Variants in LTK observed in about 807,000 individuals in gnomAD.
The protein encoded by LTK is leukocyte tyrosine kinase receptor.
A neutral mutation model predicts 101.5 loss-of-function variants in LTK; 117 were observed. The observed-to-expected ratio is 1.15, with a 90% CI of 0.99 to 1.34. The LOEUF is 1.34. LTK is among the 40% of genes most tolerant of loss of function. LTK has a pLI of 0.00. For synonymous variants in LTK, 563 were observed against 494.2 expected (o/e 1.14, Z -1.85); for missense variants, 1,252 against 1,164.7 (o/e 1.07, Z -1.09).
rs1273213918 is a variant in LTK, at chr15:41,504,223, G to A, written c.2368C>T (p.Leu790Phe). 1.9e-6 allele frequency: 3 copies of A among 1,610,350 alleles called. No homozygotes were observed. Among genetic ancestry groups the A allele is most frequent in the South Asian group, 1.1e-5 (1 of 90,914 alleles). Residue 790 changes from leucine to phenylalanine, a missense_variant, in exon 20 of 20, where the codon CTC (leucine) becomes TTC (phenylalanine). By Grantham distance (22) the Leu-to-Phe change is conservative. Transcript: ENST00000263800. ...CTQDPDVLNS[L>F]LPMELGPTPE... ...GTGGGCCCCAGCTCCATTGGCAGGA[G>A]TGAATTCAGCACATCCGGGTCCTGT...
At chr15:41,509,895 A>T (rs1741834997) in intron 7 of LTK, among the ~76,000 whole-genome samples, 1 of 152,124 alleles carries the variant, frequency 6.6e-6, no homozygotes. Context: ...ATACAGCATG[A>T]TGTTTTGAAA....
chr15:41,511,391 GC>G lies in LTK; in HGVS notation c.814+30del. ...AGGTTGGCAGCCACACGGGGAGCAC[GC>G]CCGCCTCTCCCCGCGGCCCGCGCCC... is the stretch of plus-strand genomic sequence containing the variant. On this transcript the variant is annotated intron_variant, in intron 6 of 19. Transcript: ENST00000263800. The surrounding 1 kb of genome is among the most constrained non-coding windows in gnomAD (Gnocchi z 5.9). 1 of 1,369,378 alleles carries G rather than the reference GC, an allele frequency of 7.3e-7. No homozygotes were observed. Among genetic ancestry groups the G allele is most frequent in the Non-Finnish European group, 9.3e-7 (1 of 1,070,434 alleles). The allele number at this position is 1,369,378 out of a possible 1,614,324, so 84.8% of individuals were successfully genotyped here.
chr15:41,511,987 C>T lies in LTK; in HGVS notation c.511-24G>A, dbSNP rs200458739. The T allele has an allele frequency of 5.9e-5, 85 of 1,443,156 alleles. No individual in the cohort carries two copies. The African/African-American group carries it at 1.1e-3, about 18-fold the overall frequency. The allele number at this position is 1,443,156 out of a possible 1,614,324, so 89.4% of individuals were successfully genotyped here. A position where few individuals can be genotyped will look rare whatever the true frequency, so the allele number is the denominator to read the frequency against. ...CCCTGCGGGCAGCGGGGGAGGGAAT[C>T]GGCGGGGCCCGGGAGCCTCCCCTCG... On this transcript the variant is annotated intron_variant, in intron 4 of 19. Coordinates refer to ENST00000263800, the MANE Select transcript of LTK (RefSeq NM_002344.6). This position sits in a 1 kb window ranked among gnomAD's most constrained non-coding sequence, Gnocchi z 5.9.
rs1265942197 is a variant in LTK, at chr15:41,512,130, C to G, written c.495G>C (p.Glu165Asp). 10 of 1,610,112 alleles carry G rather than the reference C, an allele frequency of 6.2e-6. No individual in the cohort carries two copies. The highest frequency in any genetic ancestry group is 8.5e-6 in the Non-Finnish European group (10 of 1,178,350). Reference protein sequence around the residue: ...SLYILVGQQGEDACPGGSPES... With the variant: ...SLYILVGQQGDDACPGGSPES... ...CTGCGCTCACTCCGGGACAGGCGTCCTCTCCCTGCTGCCCCACCAGGATGT... is the reference window on the plus strand; with the variant it reads ...CTGCGCTCACTCCGGGACAGGCGTCGTCTCCCTGCTGCCCCACCAGGATGT... The change falls in exon 4 of 20, where the codon GAG becomes GAC. Residue 165 changes from glutamate (E) to aspartate (D), a missense_variant. Physicochemically the swap from Glu to Asp is conservative, Grantham distance 45 (BLOSUM62 2). Coordinates refer to ENST00000263800, the MANE Select transcript of LTK (RefSeq NM_002344.6).
chr15:41,505,027 C>G lies in LTK; in HGVS notation c.1963G>C (p.Gly655Arg), dbSNP rs2051216155. ...AARNCLLSCAGPSRVAKIGDF... is the reference protein window; with the variant it reads ...AARNCLLSCARPSRVAKIGDF... ...CCAATCTTGGCCACTCGGCTGGGTC[C>G]AGCGCAGCTCAGCAGGCAGTTCCGG... is the stretch of plus-strand genomic sequence containing the variant. Residue 655 changes from glycine to arginine, a missense_variant, in exon 16 of 20, where the codon GGA becomes CGA. Gly to Arg is a moderately radical substitution (Grantham distance 125). Transcript: ENST00000263800. 6.2e-7 allele frequency: 1 copy of G among 1,613,590 alleles called. No homozygotes were observed. The highest frequency in any genetic ancestry group is 8.5e-7 in the Non-Finnish European group (1 of 1,179,704).
chr15:41,507,068 G>A (rs1043276189), intron 11 of LTK, 27 bp downstream of exon 11: 9 of 1,596,310 alleles, frequency 5.6e-6, no homozygotes, highest in Non-Finnish European at 7.7e-6. Flanking sequence ...GAGTGCATAG[G>A]TTCTCAGAAG....
chr15:41,512,954 G>C, intron 2 of LTK, 23 bp downstream of exon 2: 1 of 1,613,336 alleles, frequency 6.2e-7, no homozygotes. Context: ...GAGCGAAAGA[G>C]GAAGGAGGCG....
Position 41,512,692 on chromosome 15 carries a change from C to G in LTK, c.359+15G>C, listed in dbSNP as rs1277806690. The stretch of plus-strand genomic sequence containing the variant: ...TAGCAGGTCACTGTCCACCCTACCT[C>G]CGCCGTGCACTTACAGATACTGGCC... On this transcript the variant is annotated intron_variant, in intron 3 of 19. Coordinates refer to ENST00000263800, the MANE Select transcript of LTK (RefSeq NM_002344.6). 6.5e-7 allele frequency: 1 copy of G among 1,548,680 alleles called. No individual in the cohort carries two copies. Among genetic ancestry groups the G allele is most frequent in the East Asian group, 2.3e-5 (1 of 43,936 alleles).
intron 11 of LTK, 144 bp from the exon 12 acceptor site, chr15:41,506,149 A>C: frequency 3.3e-6 from 2 of 598,788 alleles, no homozygotes; most frequent in South Asian, 2.0e-5. Context: ...GCATGTCCCC[A>C]GGTAGAAGCC....
At position 41,511,693 on chromosome 15, in the gene LTK, C is replaced by A; in HGVS notation, c.658-115G>T. 1.4e-6 allele frequency: 2 copies of A among 1,397,086 alleles called. No individual in the cohort carries two copies. The highest frequency in any genetic ancestry group is 1.9e-6 in the Non-Finnish European group (2 of 1,076,394). 86.5% of individuals were successfully genotyped at this position (1,397,086 alleles called of 1,614,324 possible). A position where few individuals can be genotyped will look rare whatever the true frequency, so the allele number is the denominator to read the frequency against. On this transcript the variant is annotated intron_variant, in intron 5 of 19. Transcript: ENST00000263800. This position sits in a 1 kb window ranked among gnomAD's most constrained non-coding sequence, Gnocchi z 5.9. ...ATAAGGGCAGGGGCCCCCAGCCCAG[C>A]CCAGGCCAGCCCAGCCCAGCGCAGG...
chr15:41,503,807 C>G lies in LTK; in HGVS notation c.*189G>C. 1 of 697,232 alleles carries G rather than the reference C, an allele frequency of 1.4e-6. No homozygotes were observed. The highest frequency in any genetic ancestry group is 2.4e-6 in the Non-Finnish European group (1 of 423,278). The allele number at this position is 697,232 out of a possible 1,614,324, so 43.2% of individuals were successfully genotyped here. On this transcript the variant is annotated 3_prime_UTR_variant, in exon 20 of 20. Transcript: ENST00000263800. The stretch of plus-strand genomic sequence containing the variant: ...AAGCTGGAAGTGGCTGGGCCCTTCC[C>G]TGGGAGGCCTGGGCTGGTTTCCAGC...
At chr15:41,506,142 T>C (rs2051274686) in intron 11 of LTK, 137 bp from the exon 12 acceptor site, 1 of 605,658 alleles carries the variant, frequency 1.7e-6, no homozygotes, top group Non-Finnish European at 3.0e-6. Flanking sequence ...TACCATGGCA[T>C]GTCCCCAGGT....
Position 41,511,943 on chromosome 15 carries a change from G to A in LTK, c.531C>T (p.Leu177=), listed in dbSNP as rs775869248. ...ACPGGSPESQ[L]VCLGESRAVE... ...CGGCTCGAGACTCCCCGAGGCAGAC[G>A]AGCTGGCTCTCCGGGCTACCCTGCG... Residue 177 remains leucine, a synonymous_variant, in exon 5 of 20, where the codon CTC becomes CTT. Transcript: ENST00000263800. The surrounding 1 kb of genome is among the most constrained non-coding windows in gnomAD (Gnocchi z 5.9). 3.4e-6 allele frequency: 5 copies of A among 1,491,472 alleles called. No homozygotes were observed. The highest frequency in any genetic ancestry group is 2.7e-5 in the South Asian group (2 of 74,860). The allele number at this position is 1,491,472 out of a possible 1,614,324, so 92.4% of individuals were successfully genotyped here.
chr15:41,508,098 T>G lies in LTK; in HGVS notation c.1220A>C (p.Glu407Ala). The change falls in exon 9 of 20, where the codon GAG (glutamate) becomes GCG (alanine). Residue 407 changes from glutamate (E) to alanine (A), a missense_variant. Physicochemically the swap from Glu to Ala is moderately radical, Grantham distance 107. Transcript: ENST00000263800. ...LAECLCPEGM[E>A]LAVDNVTCMD... is the part of the protein sequence containing the mutation. ...GCAGGTGACGTTATCCACAGCTAGCTCCATGCCTTCTGGGCACAGGCATTC... is the reference window on the plus strand; with the variant it reads ...GCAGGTGACGTTATCCACAGCTAGCGCCATGCCTTCTGGGCACAGGCATTC... 1 of 1,612,250 alleles carries G rather than the reference T, an allele frequency of 6.2e-7. No individual in the cohort carries two copies. Among genetic ancestry groups the G allele is most frequent in the Non-Finnish European group, 8.5e-7 (1 of 1,179,274 alleles).
Position 41,513,663 on chromosome 15 carries a change from T to C in LTK, c.43+4A>G. 2 of 1,613,210 alleles carry C rather than the reference T, an allele frequency of 1.2e-6. No individual in the cohort carries two copies. The highest frequency in any genetic ancestry group is 2.2e-5 in the East Asian group (1 of 44,846). On this transcript the variant is annotated splice_donor_region_variant and intron_variant, in intron 1 of 19. Coordinates refer to ENST00000263800, the MANE Select transcript of LTK (RefSeq NM_002344.6). ...CGGTCCCCTGACCGCCAGATAGCAC[T>C]TACCCGCGGCTCCGAACCACACCAG... is the stretch of plus-strand genomic sequence containing the variant.
rs752576890 is a variant in LTK, at chr15:41,508,046, C to A, written c.1249+23G>T. 5.1e-6 allele frequency: 8 copies of A among 1,570,800 alleles called. 1 individual carries two copies. In the South Asian group the frequency reaches 9.4e-5, roughly 18 times the overall value. ...CAGTCTGTGACCCCAGGAGTCCAGA[C>A]CTTGGGCAAAGGTAGGACATACCCA... On this transcript the variant is annotated intron_variant, in intron 9 of 19. Coordinates refer to ENST00000263800, the MANE Select transcript of LTK (RefSeq NM_002344.6).
At chr15:41,506,268 G>A (rs771019672) in intron 11 of LTK, among the ~76,000 whole-genome samples, 15 of 152,224 alleles carry the variant, frequency 9.9e-5, no homozygotes, top group Non-Finnish European at 1.6e-4. Flanking sequence ...CCCTGCAGAC[G>A]CCCTGGGCGG....
chr15:41,505,851 CATT>C (rs940872928), intron 12 of LTK, 61 bp downstream of exon 12: 2 of 1,600,332 alleles, frequency 1.2e-6, no homozygotes, highest in African/African-American at 2.7e-5. Flanking sequence ...TAGCTCTAGT[CATT>C]GTCCTTCCCT....
rs765609474 is a variant in LTK, at chr15:41,511,442, C to G, written c.794G>C (p.Gly265Ala). 7 of 1,407,094 alleles carry G rather than the reference C, an allele frequency of 5.0e-6. No individual in the cohort carries two copies. In the African/African-American group the frequency reaches 1.1e-4, roughly 21 times the overall value. The allele number at this position is 1,407,094 out of a possible 1,614,324, so 87.2% of individuals were successfully genotyped here. ...LENRSEAPGS[G>A]GRGGAAGGGG... ...CTCACCTGCCGCCCCGCCTCTCCCG[C>G]CGCTCCCGGGCGCCTCCGAGCGGTT... is the stretch of plus-strand genomic sequence containing the variant. The change falls in exon 6 of 20, where the codon GGC (glycine) becomes GCC (alanine). Residue 265 changes from glycine (G) to alanine (A), a missense_variant. By Grantham distance (60) the Gly-to-Ala change is moderately conservative. Transcript: ENST00000263800. This position sits in a 1 kb window ranked among gnomAD's most constrained non-coding sequence, Gnocchi z 5.9.
Sources: allele counts gnomAD v4.1 joint callset (sites outside exome capture counted in the v4.1 genomes callset), GRCh38; gene constraint gnomAD v4.1.1; non-coding constraint Gnocchi (gnomAD v3.1); transcripts MANE v1.5; gene names NCBI Gene and HGNC (gene_info 2026-07-23, HGNC 2026-07-21).